Variants in TBC1D30 observed in about 807,000 individuals in gnomAD.
TBC1D30 encodes the protein TBC1 domain family member 30.
TBC1D30 carries 31 observed loss-of-function variants against 63.2 expected under a neutral mutation model. The ratio of observed to expected loss-of-function variants is 0.49; its 90% CI spans 0.37 to 0.66. TBC1D30 has a LOEUF of 0.66. Among genes scored for constraint, TBC1D30 ranks in the 30% least tolerant of loss-of-function variants. The pLI, the probability that TBC1D30 is intolerant of heterozygous loss-of-function variation, is 0.00. For synonymous variants in TBC1D30, 307 were observed against 361.5 expected (o/e 0.85, Z 1.71); for missense variants, 810 against 953.6 (o/e 0.85, Z 1.98).
chr12:64,826,529 C>G (rs1431527084), intron 1 of TBC1D30, among the ~76,000 whole-genome samples: 1 of 152,178 alleles, frequency 6.6e-6, no homozygotes, highest in Non-Finnish European at 1.5e-5. Context: ...GGACAGCAAC[C>G]TCACTTGTTT....
At chr12:64,779,201 A>C (rs1048330833), upstream of TBC1D30, 2 of 152,204 alleles carry the variant, frequency 1.3e-5, no homozygotes, top group African/African-American at 4.8e-5. Context: ...CCAATTAAAA[A>C]AATAGGTCCA....
At chr12:64,864,009 A>G (rs980719905) in intron 8 of TBC1D30, among the ~76,000 whole-genome samples, 14 of 152,210 alleles carry the variant, frequency 9.2e-5, no homozygotes, top group African/African-American at 3.1e-4. Context: ...AGAATGATAC[A>G]TAATTTTGAA....
upstream of TBC1D30, among the ~76,000 whole-genome samples, chr12:64,820,988 C>T (rs186875131): frequency 6.6e-5 from 10 of 152,308 alleles, no homozygotes; most frequent in African/African-American, 1.4e-4. Context: ...AGATTTTCCT[C>T]GTAATAGATC....
At chr12:64,829,849 A>G (rs1270060319) in intron 3 of TBC1D30, among the ~76,000 whole-genome samples, 2 of 152,228 alleles carry the variant, frequency 1.3e-5, no homozygotes, top group Non-Finnish European at 2.9e-5. Flanking sequence ...ATCAAAGGGT[A>G]AAAATATCCA....
chr12:64,790,911 C>T (rs1048453846), intron 2 of TBC1D30, among the ~76,000 whole-genome samples: 1 of 152,096 alleles, frequency 6.6e-6, no homozygotes, highest in Non-Finnish European at 1.5e-5. Flanking sequence ...ATAATCCACC[C>T]AGCCGGCATT....
chr12:64,839,032 G>C, intron 7 of TBC1D30, among the ~76,000 whole-genome samples, 181 bp downstream of exon 7: 1 of 152,180 alleles, frequency 6.6e-6, no homozygotes, highest in Admixed American at 6.5e-5. Flanking sequence ...TTTGGAGAAG[G>C]GGGCAGATGC....
intron 8 of TBC1D30, among the ~76,000 whole-genome samples, chr12:64,845,053 A>G (rs566824843): frequency 8.5e-5 from 13 of 152,160 alleles, no homozygotes; most frequent in African/African-American, 3.1e-4. Flanking sequence ...ATTCTTGGCT[A>G]TTGTGAACAG....
intron 8 of TBC1D30, 142 bp from the exon 9 acceptor site, chr12:64,864,526 G>A (rs1301540663): frequency 4.9e-5 from 27 of 545,986 alleles, no homozygotes; most frequent in Non-Finnish European, 8.0e-5. Flanking sequence ...GGATGTTGAA[G>A]TGGAATCTCT....
intron 2 of TBC1D30, among the ~76,000 whole-genome samples, chr12:64,816,465 G>A (rs1167665782): frequency 6.6e-6 from 1 of 152,216 alleles, no homozygotes; most frequent in East Asian, 1.9e-4. Context: ...AAACTGTATT[G>A]TCCAAGCATT....
At chr12:64,796,215 G>T (rs1872258187) in intron 2 of TBC1D30, among the ~76,000 whole-genome samples, 2 of 147,872 alleles carry the variant, frequency 1.4e-5, no homozygotes, top group South Asian at 4.3e-4. Context: ...GGGTTGATTT[G>T]TAGGAAAACT....
At chr12:64,786,908 A>G (rs1020365286) in intron 2 of TBC1D30, among the ~76,000 whole-genome samples, 1 of 151,918 alleles carries the variant, frequency 6.6e-6, no homozygotes, top group Non-Finnish European at 1.5e-5. Flanking sequence ...GCACCATTGC[A>G]CTCCAGCCTG....
upstream of TBC1D30, among the ~76,000 whole-genome samples, chr12:64,821,969 G>T (rs1873913478): frequency 6.6e-6 from 1 of 152,114 alleles, no homozygotes; most frequent in Non-Finnish European, 1.5e-5. Context: ...CAACTGAATA[G>T]CTTGCATGTC....
At chr12:64,829,906 T>C (rs1385931416) in intron 3 of TBC1D30, among the ~76,000 whole-genome samples, 1 of 152,100 alleles carries the variant, frequency 6.6e-6, no homozygotes, top group Non-Finnish European at 1.5e-5. Context: ...CATCTGTCAG[T>C]TTTGTGTATG....
intron 1 of TBC1D30, among the ~76,000 whole-genome samples, chr12:64,762,601 G>C (rs983779759): frequency 6.6e-6 from 1 of 151,984 alleles, no homozygotes; most frequent in Non-Finnish European, 1.5e-5. Flanking sequence ...AAAATATAAC[G>C]TTATAAATTT....
At chr12:64,871,168 A>AG (rs146778109) in intron 11 of TBC1D30, among the ~76,000 whole-genome samples, 6,509 of 152,266 alleles carry the variant, frequency 0.043, 455 homozygotes, top group African/African-American at 0.15. Context: ...TGAATATAGA[A>AG]TCATCTGTGC....
At chr12:64,864,577 C>A in intron 8 of TBC1D30, 91 bp from the exon 9 acceptor site, 1 of 862,756 alleles carries the variant, frequency 1.2e-6, no homozygotes, top group Non-Finnish European at 1.9e-6. Context: ...TCTTCACACT[C>A]GACTTCATAA....
At chr12:64,850,363 G>A (rs1034973497) in intron 8 of TBC1D30, among the ~76,000 whole-genome samples, 11 of 152,184 alleles carry the variant, frequency 7.2e-5, no homozygotes, top group African/African-American at 2.7e-4. Context: ...TTTTCAAAGG[G>A]AATGCTGCTT....
intron 2 of TBC1D30, among the ~76,000 whole-genome samples, chr12:64,801,786 A>G (rs1174356705): frequency 2.6e-5 from 4 of 152,236 alleles, no homozygotes; most frequent in Non-Finnish European, 5.9e-5. Flanking sequence ...TCAAAAACCT[A>G]TGTATCAGGC....
At chr12:64,783,481 T>G (rs1230589586) in intron 1 of TBC1D30, among the ~76,000 whole-genome samples, 1 of 152,018 alleles carries the variant, frequency 6.6e-6, no homozygotes, top group Admixed American at 6.5e-5. Flanking sequence ...TGGAATTCCT[T>G]AGGACACTGA....
Sources: gnomAD v4.1 joint callset for allele counts (sites outside exome capture counted in the v4.1 genomes callset) on GRCh38, gnomAD v4.1.1 for gene constraint, MANE v1.5 for transcripts, NCBI Gene and HGNC (gene_info 2026-07-23, HGNC 2026-07-21) for gene names.